SVEP1: variants seen among roughly 807,000 people sequenced by gnomAD.
The protein encoded by SVEP1 is sushi, von Willebrand factor type A, EGF and pentraxin domain-containing protein 1.
A neutral mutation model predicts 367.3 loss-of-function variants in SVEP1; 164 were observed. The observed-to-expected ratio is 0.45, with a 90% confidence interval of 0.39 to 0.51. The LOEUF is 0.51. SVEP1 is among the 20% of genes least tolerant of loss of function. The pLI, the probability that SVEP1 is intolerant of heterozygous loss-of-function variation, is 0.00. For missense variants in SVEP1, 4,117 were observed against 4,425.3 expected, an observed-to-expected ratio of 0.93 and a Z score of 1.98; for synonymous variants, 1,666 against 1,611.6, an observed-to-expected ratio of 1.03 and a Z score of -0.81.
intron 36 of SVEP1, among the ~76,000 whole-genome samples, chr9:110,416,141 A>G (rs534349931): frequency 1.3e-4 from 20 of 152,184 alleles, no homozygotes; most frequent in Admixed American, 1.0e-3. Flanking sequence ...TTTATAACAC[A>G]CACAAACATA....
chr9:110,437,340 A>G (rs1474656093), intron 27 of SVEP1, among the ~76,000 whole-genome samples: 1 of 152,128 alleles, frequency 6.6e-6, no homozygotes, highest in African/African-American at 2.4e-5. Flanking sequence ...AACCCTTGTC[A>G]TTTCAGGCCC....
intron 34 of SVEP1, 138 bp downstream of exon 34, chr9:110,429,782 T>A (rs369313712): frequency 1.5e-6 from 1 of 669,288 alleles, no homozygotes. Context: ...GTTCACACTA[T>A]GTATCATTCG....
chr9:110,484,725 A>G lies in SVEP1; in HGVS notation c.1931-1032T>C, dbSNP rs1015230409. 2.0e-5 allele frequency among the ~76,000 whole-genome samples: 3 copies of G among 152,358 alleles called. No homozygotes were observed. The South Asian group carries it at 6.2e-4, about 32-fold the overall frequency. The stretch of plus-strand genomic sequence containing the variant: ...AAAGGTCTAATATCCAGAATCTACA[A>G]AGAACTTAGATTTACAAGAAAAAAA... On this transcript the variant is annotated intron_variant, in intron 9 of 47. Transcript: ENST00000374469.
chr9:110,394,256 T>C (rs1827720595), intron 40 of SVEP1, among the ~76,000 whole-genome samples: 1 of 152,186 alleles, frequency 6.6e-6, no homozygotes, highest in Non-Finnish European at 1.5e-5. Flanking sequence ...GGGTCTGGAT[T>C]GGACCTCTAG....
intron 36 of SVEP1, among the ~76,000 whole-genome samples, chr9:110,423,139 A>T (rs567993517): frequency 2.4e-3 from 341 of 141,816 alleles, no homozygotes; most frequent in African/African-American, 6.2e-3. Flanking sequence ...ATAATAATAA[A>T]AAAAAAATAA....
intron 13 of SVEP1, among the ~76,000 whole-genome samples, chr9:110,477,627 C>G (rs1433433926): frequency 1.3e-5 from 2 of 152,068 alleles, no homozygotes; most frequent in African/African-American, 2.4e-5. Context: ...AAAGAGCCTC[C>G]GTTCACACAC....
chr9:110,479,795 G>A (rs1454728466), intron 12 of SVEP1, 39 bp from the exon 13 acceptor site: 3 of 1,574,462 alleles, frequency 1.9e-6, no homozygotes, highest in Non-Finnish European at 2.6e-6. Context: ...GTTGGTTAGT[G>A]TTTTTAAAAC....
In SVEP1 at chr9:110,415,777, G is replaced by A. The variant is rs1254388663; in HGVS notation, c.5976-4042C>T. On this transcript the variant is annotated intron_variant, in intron 36 of 47. Transcript: ENST00000374469. ...AATGCATAGCTGAGCTGACAAGAAAGGAAATTTCCATGTGCCAGAAATGAA... is the reference window on the plus strand; with the variant it reads ...AATGCATAGCTGAGCTGACAAGAAAAGAAATTTCCATGTGCCAGAAATGAA... 2.6e-5 allele frequency among the ~76,000 whole-genome samples: 4 copies of A among 152,104 alleles called. No homozygotes were observed. In the South Asian group the frequency reaches 8.3e-4, roughly 32 times the overall value.
chr9:110,388,432 C>T (rs73655336), intron 41 of SVEP1, among the ~76,000 whole-genome samples: 3,212 of 152,030 alleles, frequency 0.021, 110 homozygotes, highest in African/African-American at 0.073. Context: ...CAAGTTTGGC[C>T]GTACCTTAGA....
At chr9:110,396,262 G>A (rs996792945) in intron 40 of SVEP1, among the ~76,000 whole-genome samples, 10 of 151,036 alleles carry the variant, frequency 6.6e-5, no homozygotes, top group African/African-American at 1.2e-4. Context: ...GGTACATAAC[G>A]AAATGAAGGC....
Position 110,546,399 on chromosome 9 carries a change from C to T in SVEP1, c.788-108G>A, listed in dbSNP as rs1830221546. 4.1e-6 allele frequency: 5 copies of T among 1,222,466 alleles called. No individual in the cohort carries two copies. The Admixed American group carries it at 1.2e-4, about 30-fold the overall frequency. 75.7% of individuals were successfully genotyped at this position (1,222,466 alleles called of 1,614,324 possible). ...AGCTGGAGAAAATATCTTTCCATATCCCTCTAATTCCCAACTGCTTCCTGC... is the reference window on the plus strand; with the variant it reads ...AGCTGGAGAAAATATCTTTCCATATTCCTCTAATTCCCAACTGCTTCCTGC... On this transcript the variant is annotated intron_variant, in intron 2 of 47. Coordinates refer to ENST00000374469, the MANE Select transcript of SVEP1 (RefSeq NM_153366.4).
At chr9:110,572,426 A>G (rs1384032656) in intron 1 of SVEP1, among the ~76,000 whole-genome samples, 1 of 152,242 alleles carries the variant, frequency 6.6e-6, no homozygotes. Flanking sequence ...TGCCTTTAAC[A>G]GTAGCAGTAG....
chr9:110,390,237 ATG>A lies in SVEP1; in HGVS notation c.9823-652_9823-651del, dbSNP rs1286277621. ...TACTTGTATATATACTTATATAAGT[ATG>A]TGTATATATACTTATATAAGTATGT... is the stretch of plus-strand genomic sequence containing the variant. On this transcript the variant is annotated intron_variant, in intron 40 of 47. Coordinates refer to ENST00000374469, the MANE Select transcript of SVEP1 (RefSeq NM_153366.4). Among the ~76,000 whole-genome samples the A allele has an allele frequency of 1.6e-5, 2 of 123,832 alleles. 1 individual carries two copies. The highest frequency in any genetic ancestry group is 3.4e-5 in the Non-Finnish European group (2 of 59,404). 81.2% of individuals were successfully genotyped at this position (123,832 alleles called of 152,430 possible).
intron 47 of SVEP1, among the ~76,000 whole-genome samples, chr9:110,368,293 A>G (rs1019792120): frequency 6.6e-6 from 1 of 152,150 alleles, no homozygotes; most frequent in African/African-American, 2.4e-5. Flanking sequence ...GTGATAATAA[A>G]TTCTCTTCTT....
At chr9:110,455,803 T>G (rs1169022619) in intron 21 of SVEP1, 100 bp from the exon 22 acceptor site, 1 of 850,532 alleles carries the variant, frequency 1.2e-6, no homozygotes, top group African/African-American at 2.4e-5. Flanking sequence ...ATCAGAATTT[T>G]TAAATGGGTA....
At chr9:110,386,121 C>CTAATG (rs757519685) in intron 42 of SVEP1, 47 bp from the exon 43 acceptor site, 8 of 1,573,032 alleles carry the variant, frequency 5.1e-6, no homozygotes, top group African/African-American at 1.4e-5. Flanking sequence ...CCCTCTTTTC[C>CTAATG]TAATGTATTT....
intron 5 of SVEP1, 52 bp downstream of exon 5, chr9:110,512,874 A>AG: frequency 1.2e-6 from 2 of 1,603,966 alleles, no homozygotes; most frequent in Non-Finnish European, 1.7e-6. Context: ...GTTTAAATCA[A>AG]GGAAATCAGG....
intron 28 of SVEP1, among the ~76,000 whole-genome samples, chr9:110,435,603 T>C (rs1238147366): frequency 2.0e-5 from 3 of 152,146 alleles, no homozygotes; most frequent in African/African-American, 4.8e-5. Context: ...AATTTTGGAA[T>C]CCTACACCTA....
intron 26 of SVEP1, among the ~76,000 whole-genome samples, chr9:110,445,252 T>C (rs1272790082): frequency 6.6e-6 from 1 of 152,200 alleles, no homozygotes; most frequent in Non-Finnish European, 1.5e-5. Flanking sequence ...CGTGGCTCTT[T>C]GGCAAGACTC....
Sources: allele counts gnomAD v4.1 joint callset (sites outside exome capture counted in the v4.1 genomes callset), GRCh38; gene constraint gnomAD v4.1.1; transcripts MANE v1.5; gene names NCBI Gene and HGNC (gene_info 2026-07-23, HGNC 2026-07-21).